SIRPG: variants seen among roughly 807,000 people sequenced by gnomAD.
SIRPG encodes signal-regulatory protein gamma.
In SIRPG, 38 loss-of-function variants were observed where a neutral mutation model predicts 35.7. That is an observed-to-expected ratio of 1.06 (90% CI 0.82 to 1.40). The LOEUF (loss-of-function observed/expected upper bound fraction) is 1.40. Ranked by LOEUF, SIRPG falls within the 40% of genes most tolerant of loss-of-function variation. The pLI, the probability that SIRPG is intolerant of heterozygous loss-of-function variation, is 0.00. For missense variants in SIRPG, 519 were observed against 483.0 expected (o/e 1.07, Z -0.70); for synonymous variants, 215 against 190.4 (o/e 1.13, Z -1.06).
chr20:1,655,997 G>C (rs936654877), intron 1 of SIRPG, among the ~76,000 whole-genome samples: 11 of 152,002 alleles, frequency 7.2e-5, no homozygotes, highest in Admixed American at 1.3e-4. Flanking sequence ...TAGTATATAA[G>C]GTTGTTTTGT....
At chr20:1,648,191 G>T (rs1240331108) in intron 2 of SIRPG, 1 of 152,176 alleles carries the variant, frequency 6.6e-6, no homozygotes, top group East Asian at 1.9e-4. Context: ...AAGTTTTATT[G>T]CTGCTTTAAA....
At chr20:1,653,801 T>G (rs1332633848) in intron 1 of SIRPG, among the ~76,000 whole-genome samples, 1 of 152,182 alleles carries the variant, frequency 6.6e-6, no homozygotes, top group East Asian at 1.9e-4. Context: ...AAAAATGAGT[T>G]GAAGTTTACA....
At chr20:1,675,181 C>A in the SIRPG span, among the ~76,000 whole-genome samples, 2 of 152,176 alleles carry the variant, frequency 1.3e-5, no homozygotes, top group African/African-American at 4.8e-5. Context: ...TCACCCACTA[C>A]GAAATACCTC....
chr20:1,657,825 G>T, upstream of SIRPG: 3 of 1,004,330 alleles, frequency 3.0e-6, no homozygotes, highest in Non-Finnish European at 4.5e-6. Context: ...AGAGGAAGTG[G>T]CTATGATGGA....
chr20:1,649,793 T>C (rs2091926977), intron 1 of SIRPG, among the ~76,000 whole-genome samples: 1 of 150,430 alleles, frequency 6.6e-6, no homozygotes, highest in Non-Finnish European at 1.5e-5. Context: ...TATACCACCA[T>C]GCCAGGTTAA....
Position 1,636,320 on chromosome 20 carries a change from T to G in SIRPG, c.616A>C (p.Ser206Arg), listed in dbSNP as rs756787375. 3 of 1,614,232 alleles carry G rather than the reference T, an allele frequency of 1.9e-6. No homozygotes were observed. Among genetic ancestry groups the G allele is most frequent in the Non-Finnish European group, 2.5e-6 (3 of 1,180,042 alleles). The change falls in exon 3 of 6, where the codon AGC becomes CGC. Residue 206 changes from serine to arginine, a missense_variant. Ser to Arg is a moderately radical substitution (Grantham distance 110). Transcript: ENST00000303415. ...ACCACCCTGGCTGTGCTGCGGATGC[T>G]GTAGGCCACACTCTGTCCTGTGGGG... Reference protein sequence around the residue: ...VDPTGQSVAYSIRSTARVVLD... With the variant: ...VDPTGQSVAYRIRSTARVVLD...
At chr20:1,675,706 A>G in the SIRPG span, among the ~76,000 whole-genome samples, 4 of 152,184 alleles carry the variant, frequency 2.6e-5, no homozygotes, top group African/African-American at 4.8e-5. Context: ...CTAATGTAAC[A>G]TCAAGTACAT....
chr20:1,669,878 G>A, the SIRPG span: 67 of 159,554 alleles, frequency 4.2e-4, 1 homozygote, highest in African/African-American at 1.3e-3. Flanking sequence ...TAACATTAAG[G>A]AAAGAGACAA....
the SIRPG span, chr20:1,666,425 G>T: frequency 2.0e-5 from 3 of 152,278 alleles, no homozygotes; most frequent in African/African-American, 7.2e-5. Context: ...AGGATTGCTT[G>T]AGCCCAGAAG....
chr20:1,634,850 T>C (rs1366602181), intron 4 of SIRPG, among the ~76,000 whole-genome samples: 2 of 151,900 alleles, frequency 1.3e-5, no homozygotes, highest in South Asian at 2.1e-4. Flanking sequence ...GAGACCATCC[T>C]GGCTAACACG....
intron 2 of SIRPG, among the ~76,000 whole-genome samples, chr20:1,645,374 G>C (rs775123169): frequency 2.6e-5 from 4 of 152,056 alleles, no homozygotes; most frequent in Non-Finnish European, 5.9e-5. Flanking sequence ...CAATTAAATT[G>C]GCATTTTTAG....
intron 2 of SIRPG, among the ~76,000 whole-genome samples, chr20:1,638,752 A>G (rs925516414): frequency 6.6e-6 from 1 of 150,914 alleles, no homozygotes; most frequent in Non-Finnish European, 1.5e-5. Context: ...TATTTGTCCT[A>G]ATGCTCTCCT....
intron 2 of SIRPG, among the ~76,000 whole-genome samples, chr20:1,642,382 G>A (rs1424922284): frequency 6.6e-6 from 1 of 152,136 alleles, no homozygotes; most frequent in East Asian, 1.9e-4. Context: ...CAGGGACCAG[G>A]ATCGCAACCC....
chr20:1,670,492 A>T, the SIRPG span, among the ~76,000 whole-genome samples: 2 of 152,178 alleles, frequency 1.3e-5, no homozygotes, highest in Non-Finnish European at 2.9e-5. Context: ...TGCAAGCACA[A>T]CCCCTGGCAT....
chr20:1,649,886 T>C (rs1244290895), intron 1 of SIRPG, among the ~76,000 whole-genome samples: 1 of 150,278 alleles, frequency 6.7e-6, no homozygotes, highest in Non-Finnish European at 1.5e-5. Context: ...TTGCCTCGGC[T>C]TTCCATAGTG....
chr20:1,671,152 G>A, the SIRPG span: 1 of 389,240 alleles, frequency 2.6e-6, no homozygotes, highest in Non-Finnish European at 5.3e-6. Flanking sequence ...ATGCTCAGCT[G>A]TGGTCCTCAC....
At chr20:1,675,089 C>T in the SIRPG span, among the ~76,000 whole-genome samples, 4 of 152,132 alleles carry the variant, frequency 2.6e-5, no homozygotes, top group Non-Finnish European at 4.4e-5. Flanking sequence ...TGCCCGGGCC[C>T]AGATACCCTG....
rs2091740112 is a variant in SIRPG, at chr20:1,630,326, A to G, written c.1082-20T>C. On this transcript the variant is annotated intron_variant, in intron 4 of 5. Transcript: ENST00000303415. ...CCGGGCCTGGAAATCAGGGAAGACG[A>G]GGGGCTATGAGAGAGACCACTTGGG... 4 of 1,540,704 alleles carry G rather than the reference A, an allele frequency of 2.6e-6. No homozygotes were observed. The African/African-American group carries it at 4.1e-5, about 16-fold the overall frequency.
chr20:1,660,061 T>C (rs2091992221), upstream of SIRPG, among the ~76,000 whole-genome samples: 1 of 152,238 alleles, frequency 6.6e-6, no homozygotes. Flanking sequence ...GTTAGTATAC[T>C]TAATGATCTT....
Sources: allele counts gnomAD v4.1 joint callset (sites outside exome capture counted in the v4.1 genomes callset), GRCh38; gene constraint gnomAD v4.1.1; transcripts MANE v1.5; gene names NCBI Gene and HGNC (gene_info 2026-07-23, HGNC 2026-07-21).